Variants in FKTN observed in about 807,000 individuals in gnomAD.
FKTN encodes fukutin, also known as ribitol-5-phosphate transferase FKTN.
A neutral mutation model predicts 58.6 loss-of-function variants in FKTN; 47 were observed. The observed-to-expected ratio is 0.80, with a 90% CI of 0.63 to 1.02. The LOEUF (loss-of-function observed/expected upper bound fraction) is 1.02, where lower values mean the gene tolerates loss of function less well. Ranked by LOEUF, FKTN falls within the 50% of genes least tolerant of loss-of-function variation. FKTN has a pLI of 0.00. For missense variants in FKTN, 516 were observed against 537.3 expected, an observed-to-expected ratio of 0.96 and a Z score of 0.39; for synonymous variants, 178 against 191.9, an observed-to-expected ratio of 0.93 and a Z score of 0.60.
chr9:105,601,329 A>G lies in FKTN; in HGVS notation c.350A>G (p.Tyr117Cys). ...GACTTTACTGCATTTGCACTGCAGT[A>G]TCACCTATGGAAGAATGAGGTAAGT... Reference protein sequence around the residue: ...PRDFTAFALQYHLWKNEEGWF... With the variant: ...PRDFTAFALQCHLWKNEEGWF... The change falls in exon 5 of 11, where the codon TAT (tyrosine) becomes TGT (cysteine). Residue 117 changes from tyrosine (Y) to cysteine (C), a missense_variant. Coordinates refer to ENST00000357998, the MANE Select transcript of FKTN (RefSeq NM_001079802.2). 1 of 1,607,762 alleles carries G rather than the reference A, an allele frequency of 6.2e-7. No homozygotes were observed. The highest frequency in any genetic ancestry group is 2.2e-5 in the East Asian group (1 of 44,792).
intron 10 of FKTN, among the ~76,000 whole-genome samples, chr9:105,632,930 C>T (rs1833670680): frequency 1.3e-5 from 2 of 152,266 alleles, no homozygotes; most frequent in East Asian, 1.9e-4. Flanking sequence ...ACATTGCAGA[C>T]CCATGGTGTA....
chr9:105,585,146 A>G (rs1025119639), intron 3 of FKTN, among the ~76,000 whole-genome samples: 2 of 152,154 alleles, frequency 1.3e-5, no homozygotes, highest in African/African-American at 2.4e-5. Flanking sequence ...TAAAAATAGT[A>G]AGGAGACCAG....
At chr9:105,633,651 A>G (rs2518106) in intron 10 of FKTN, among the ~76,000 whole-genome samples, 109,145 of 152,146 alleles carry the variant, frequency 0.72, 39,933 homozygotes, top group African/African-American at 0.85. Context: ...TTCCGTGGCC[A>G]CCTTTTCACA....
Position 105,635,735 on chromosome 9 carries a change from C to G in FKTN, c.*471C>G. On this transcript the variant is annotated 3_prime_UTR_variant, in exon 11 of 11. Transcript: ENST00000357998. ...AGTGCTACTTTTAAGATTGTGGAGT[C>G]TGAGTTAATATTCAAGTGATCAGAC... 9.8e-7 allele frequency: 1 copy of G among 1,019,588 alleles called. No individual in the cohort carries two copies. 63.2% of individuals were successfully genotyped at this position (1,019,588 alleles called of 1,614,324 possible).
In FKTN at chr9:105,581,177, A is replaced by G. The variant is rs1347613688; in HGVS notation, c.105+6040A>G. On this transcript the variant is annotated intron_variant, in intron 3 of 10. Coordinates refer to ENST00000357998, the MANE Select transcript of FKTN (RefSeq NM_001079802.2). ...CTTCTTCTCTCAGCTCGTCAAAGTCATTCTCCATCCAGCTTTGTTCCGTTG... is the reference window on the plus strand; with the variant it reads ...CTTCTTCTCTCAGCTCGTCAAAGTCGTTCTCCATCCAGCTTTGTTCCGTTG... 6.7e-3 allele frequency among the ~76,000 whole-genome samples: 1,002 copies of G among 149,662 alleles called. 12 individuals carry two copies. The highest frequency in any genetic ancestry group is 0.024 in the African/African-American group (960 of 39,994).
rs750759323 is a variant in FKTN, at chr9:105,619,937, G to A, written c.1048G>A (p.Glu350Lys). 1.2e-6 allele frequency: 2 copies of A among 1,611,848 alleles called. No homozygotes were observed. The highest frequency in any genetic ancestry group is 1.7e-6 in the Non-Finnish European group (2 of 1,178,444). ...AAGGTTTTCATCTTCCCCATAGGTA[G>A]AAGACAGCTTGGAACTATCCTTCCA... ...LPLKHKFGKV[E>K]DSLELSFQGK... Residue 350 changes from glutamate (E) to lysine (K), a missense_variant, in exon 10 of 11, where the codon GAA becomes AAA. By Grantham distance (56) the Glu-to-Lys change is moderately conservative (BLOSUM62 1). Transcript: ENST00000357998.
intron 1 of FKTN, among the ~76,000 whole-genome samples, chr9:105,565,977 A>C (rs1303738857): frequency 6.6e-6 from 1 of 152,196 alleles, no homozygotes; most frequent in African/African-American, 2.4e-5. Context: ...ATCAAACTAG[A>C]ACTCAGGATT....
At chr9:105,625,247 G>A (rs1433274819) in intron 10 of FKTN, among the ~76,000 whole-genome samples, 2 of 152,180 alleles carry the variant, frequency 1.3e-5, no homozygotes, top group African/African-American at 4.8e-5. Context: ...CTGATTCTTT[G>A]GAAGTTTTCT....
chr9:105,603,231 C>T (rs1828217015), intron 5 of FKTN, among the ~76,000 whole-genome samples: 1 of 152,166 alleles, frequency 6.6e-6, no homozygotes, highest in Admixed American at 6.6e-5. Context: ...AATTTGTCAG[C>T]TGATAATGCC....
chr9:105,579,425 C>T (rs1159918786), intron 3 of FKTN, among the ~76,000 whole-genome samples: 2 of 151,640 alleles, frequency 1.3e-5, no homozygotes, highest in Admixed American at 1.3e-4. Context: ...CGTTATGTAC[C>T]CAGTAGTCAT....
intron 1 of FKTN, among the ~76,000 whole-genome samples, chr9:105,569,867 A>G (rs779476428): frequency 1.3e-5 from 2 of 151,982 alleles, no homozygotes; most frequent in Non-Finnish European, 2.9e-5. Context: ...TCTCTGCAAT[A>G]CTTTTTCTTT....
intron 10 of FKTN, among the ~76,000 whole-genome samples, chr9:105,624,072 A>C (rs1157971855): frequency 1.3e-5 from 2 of 152,216 alleles, no homozygotes; most frequent in Non-Finnish European, 2.9e-5. Context: ...ATTAAGTCAA[A>C]AGATATGAGC....
At position 105,574,930 on chromosome 9, in the gene FKTN, CT is replaced by C; in HGVS notation, c.-88-9del. 1 of 737,100 alleles carries C rather than the reference CT, an allele frequency of 1.4e-6. No individual in the cohort carries two copies. The highest frequency in any genetic ancestry group is 2.0e-5 in the Admixed American group (1 of 51,026). 45.7% of individuals were successfully genotyped at this position (737,100 alleles called of 1,614,324 possible). A position where few individuals can be genotyped will look rare whatever the true frequency, so the allele number is the denominator to read the frequency against. On this transcript the variant is annotated splice_polypyrimidine_tract_variant and intron_variant, in intron 2 of 10. Coordinates refer to ENST00000357998, the MANE Select transcript of FKTN (RefSeq NM_001079802.2). Reference sequence around the variant, plus strand: ...GAGGTTTTTGTTTCTTTAAAAATATCTTTTTTGTTCACAGAAAACAAAATTA... The same window carrying C: ...GAGGTTTTTGTTTCTTTAAAAATATCTTTTTGTTCACAGAAAACAAAATTA...
At chr9:105,596,453 C>A in intron 3 of FKTN, 145 bp from the exon 4 acceptor site, 1 of 656,830 alleles carries the variant, frequency 1.5e-6, no homozygotes, top group Non-Finnish European at 2.8e-6. Flanking sequence ...GAATTCTTAG[C>A]TCATGACTAT....
intron 3 of FKTN, among the ~76,000 whole-genome samples, chr9:105,592,051 C>T (rs1231738335): frequency 6.6e-6 from 1 of 152,216 alleles, no homozygotes; most frequent in African/African-American, 2.4e-5. Context: ...ACTATTCTTC[C>T]CTCCTACGTC....
intron 1 of FKTN, 30 bp from the exon 2 acceptor site, chr9:105,573,625 C>T (rs1455311349): frequency 2.7e-5 from 4 of 149,308 alleles, no homozygotes; most frequent in African/African-American, 5.0e-5. Context: ...GAGACCCTGT[C>T]TCAAAAAAAA....
intron 3 of FKTN, among the ~76,000 whole-genome samples, chr9:105,582,943 C>T (rs1843282460): frequency 6.6e-6 from 1 of 152,154 alleles, no homozygotes; most frequent in East Asian, 1.9e-4. Context: ...AAGTCTAGAG[C>T]CTCTAAAATT....
At chr9:105,604,967 A>G (rs1171989276) in intron 6 of FKTN, among the ~76,000 whole-genome samples, 2 of 151,952 alleles carry the variant, frequency 1.3e-5, no homozygotes, top group Admixed American at 1.3e-4. Flanking sequence ...AAAAAAAAAA[A>G]AAAACTGTAA....
chr9:105,635,430 A>G lies in FKTN; in HGVS notation c.*166A>G, dbSNP rs1419619269. ...GATGTAATTCTCTCACTTAGTACTGAGGAATTTTCATGTGCCACATACAAT... is the reference window on the plus strand; with the variant it reads ...GATGTAATTCTCTCACTTAGTACTGGGGAATTTTCATGTGCCACATACAAT... On this transcript the variant is annotated 3_prime_UTR_variant, in exon 11 of 11. Coordinates refer to ENST00000357998, the MANE Select transcript of FKTN (RefSeq NM_001079802.2). 41 of 1,461,678 alleles carry G rather than the reference A, an allele frequency of 2.8e-5. No homozygotes were observed. The highest frequency in any genetic ancestry group is 3.7e-5 in the Non-Finnish European group (41 of 1,114,240). 90.5% of individuals were successfully genotyped at this position (1,461,678 alleles called of 1,614,324 possible).
Sources: gnomAD v4.1 joint callset for allele counts (sites outside exome capture counted in the v4.1 genomes callset) on GRCh38, gnomAD v4.1.1 for gene constraint, MANE v1.5 for transcripts, NCBI Gene and HGNC (gene_info 2026-07-23, HGNC 2026-07-21) for gene names.